The following KRT39 variants were observed in gnomAD, a reference collection of about 807,000 sequenced individuals.
KRT39 encodes keratin 39, also known as keratin, type I cytoskeletal 39.
In KRT39, 47 loss-of-function variants were observed where a neutral mutation model predicts 54.8. The ratio of observed to expected loss-of-function variants is 0.86; its 90% CI spans 0.68 to 1.09. KRT39 has a LOEUF of 1.09. Among genes scored for constraint, KRT39 ranks in the 50% least tolerant of loss-of-function variants. The pLI, the probability that KRT39 is intolerant of heterozygous loss-of-function variation, is 0.00. For synonymous variants in KRT39, 207 were observed against 227.9 expected, an observed-to-expected ratio of 0.91 and a Z score of 0.83; for missense variants, 580 against 598.5, an observed-to-expected ratio of 0.97 and a Z score of 0.32.
rs138861067 is a variant in KRT39 at position 40,960,321 on chromosome 17, T to C, written c.1177A>G (p.Ile393Val). ...LDVKSRLECE[I>V]TTYRSLLESS... ...TCCAGAAGGCTGCGGTATGTGGTAA[T>C]CTCACATTCCAGCCGGGACTTGACG... The change falls in exon 6 of 7, where the codon ATT (isoleucine) becomes GTT (valine). Residue 393 changes from isoleucine (I) to valine (V), a missense_variant. Transcript: ENST00000355612. 16 of 1,613,886 alleles carry C rather than the reference T, an allele frequency of 9.9e-6. No individual in the cohort carries two copies. The highest frequency in any genetic ancestry group is 1.4e-5 in the Non-Finnish European group (16 of 1,180,030).
chr17:40,961,175 G>C (rs962379647), intron 5 of KRT39, among the ~76,000 whole-genome samples: 4 of 151,200 alleles, frequency 2.6e-5, no homozygotes, highest in African/African-American at 9.7e-5. Context: ...TTCATTCAGT[G>C]AGTGTTCGTG....
rs530117418 is a variant in KRT39 at position 40,965,970 on chromosome 17, C to A, written c.468+419G>T. Among the ~76,000 whole-genome samples the A allele has an allele frequency of 2.0e-5, 3 of 152,242 alleles. No homozygotes were observed. The South Asian group carries it at 6.2e-4, about 32-fold the overall frequency. ...GGATCTTGGCTCATGGCAGCCTCAACCTCTTGGGCTCAAGTGATCCTCCCA... is the reference window on the plus strand; with the variant it reads ...GGATCTTGGCTCATGGCAGCCTCAAACTCTTGGGCTCAAGTGATCCTCCCA... On this transcript the variant is annotated intron_variant, in intron 1 of 6. Transcript: ENST00000355612.
In KRT39 at chr17:40,963,672, C is replaced by G. The variant is rs1355480807; in HGVS notation, c.663G>C (p.Gln221His). Residue 221 changes from glutamine to histidine, a missense_variant, in exon 3 of 7, where the codon CAG becomes CAC. Physicochemically the swap from Gln to His is conservative, Grantham distance 24. Transcript: ENST00000355612. ...GGCAAAGGAGCTCCTCTTTCAGAGA[C>G]TGGACTTGTGCCTCTAGGTCGGCCT... is the stretch of plus-strand genomic sequence containing the variant. ...LGKADLEAQV[Q>H]SLKEELLCLK... The G allele has an allele frequency of 3.1e-6, 5 of 1,611,306 alleles. No homozygotes were observed. In the African/African-American group the frequency reaches 5.3e-5, roughly 17 times the overall value.
chr17:40,966,435 G>A lies in KRT39; in HGVS notation c.422C>T (p.Pro141Leu). The A allele has an allele frequency of 6.2e-7, 1 of 1,614,138 alleles. No individual in the cohort carries two copies. The highest frequency in any genetic ancestry group is 8.5e-7 in the Non-Finnish European group (1 of 1,179,972). The change falls in exon 1 of 7, where the codon CCT becomes CTT. Residue 141 changes from proline (P) to leucine (L), a missense_variant. By Grantham distance (98) the Pro-to-Leu change is moderately conservative. Coordinates refer to ENST00000355612, the MANE Select transcript of KRT39 (RefSeq NM_213656.4). The stretch of plus-strand genomic sequence containing the variant: ...GGTAGTGTAGTAAGACAGGTAATCA[G>A]GACATAGAACAGGGAGCTCTTTGTT... ...ESNKELPVLC[P>L]DYLSYYTTIE...
chr17:40,964,366 A>G (rs1318430323), intron 2 of KRT39, 80 bp downstream of exon 2: 4 of 1,162,712 alleles, frequency 3.4e-6, no homozygotes, highest in Non-Finnish European at 5.2e-6. Context: ...GTTAGTAGAC[A>G]TGGGGACAAT....
rs780326892 is a variant in KRT39, at chr17:40,962,277, A to C, written c.881T>G (p.Leu294Arg). The C allele has an allele frequency of 6.2e-7, 1 of 1,614,170 alleles. No individual in the cohort carries two copies. The highest frequency in any genetic ancestry group is 1.1e-5 in the South Asian group (1 of 91,068). The change falls in exon 5 of 7, where the codon CTG becomes CGG. Residue 294 changes from leucine to arginine, a missense_variant. Transcript: ENST00000355612. The stretch of plus-strand genomic sequence containing the variant: ...AGAGCTGGTCACCACTTGTTGATTC[A>C]GCTCCTCTATCTGAAACACACAGCC... ...EQWFNTQIEE[L>R]NQQVVTSSQQ...
Position 40,960,521 on chromosome 17 carries a change from T to C in KRT39, c.997-20A>G. On this transcript the variant is annotated intron_variant, in intron 5 of 6. Coordinates refer to ENST00000355612, the MANE Select transcript of KRT39 (RefSeq NM_213656.4). Reference sequence around the variant, plus strand: ...ATCTCTCTACCATGGAGAAGGATAGTAGGATTTATAATGACTCCTTTAAGC... The same window carrying C: ...ATCTCTCTACCATGGAGAAGGATAGCAGGATTTATAATGACTCCTTTAAGC... The C allele has an allele frequency of 6.3e-7, 1 of 1,589,016 alleles. No homozygotes were observed. The highest frequency in any genetic ancestry group is 1.1e-5 in the South Asian group (1 of 90,608).
chr17:40,963,499 T>A, intron 3 of KRT39, 128 bp downstream of exon 3: 1 of 794,862 alleles, frequency 1.3e-6, no homozygotes, highest in Non-Finnish European at 1.9e-6. Context: ...TACTCTCAGT[T>A]ATTTCTTTAT....
At chr17:40,962,368 A>G in intron 4 of KRT39, 34 bp downstream of exon 4, 1 of 1,612,398 alleles carries the variant, frequency 6.2e-7, no homozygotes, top group Non-Finnish European at 8.5e-7. Context: ...ATGCAGCATC[A>G]GCTTATTGTT....
chr17:40,963,902 G>T, intron 2 of KRT39, 119 bp from the exon 3 acceptor site: 2 of 683,032 alleles, frequency 2.9e-6, no homozygotes, highest in Non-Finnish European at 4.8e-6. Flanking sequence ...TCTATTAGAA[G>T]TTTTATTCTC....
chr17:40,962,466 C>T lies in KRT39; in HGVS notation c.806G>A (p.Arg269Lys). 6.2e-7 allele frequency: 1 copy of T among 1,614,200 alleles called. No homozygotes were observed. Among genetic ancestry groups the T allele is most frequent in the Non-Finnish European group, 8.5e-7 (1 of 1,180,024 alleles). The change falls in exon 4 of 7, where the codon AGA becomes AAA. Residue 269 changes from arginine to lysine, a missense_variant. Transcript: ENST00000355612. Reference sequence around the variant, plus strand: ...CTCCATGATGGGCTCATATTGACATCTCATTTCTTGTAGAACCTGGTTTAG... The same window carrying T: ...CTCCATGATGGGCTCATATTGACATTTCATTTCTTGTAGAACCTGGTTTAG... Reference protein sequence around the residue: ...ADLNQVLQEMRCQYEPIMETN... With the variant: ...ADLNQVLQEMKCQYEPIMETN...
At chr17:40,964,267 G>A (rs1911270164) in intron 2 of KRT39, 179 bp downstream of exon 2, 2 of 634,476 alleles carry the variant, frequency 3.2e-6, no homozygotes, top group Admixed American at 2.7e-5. Context: ...TATAGGTACT[G>A]TATACATGTG....
chr17:40,964,102 G>A (rs1178810556), intron 2 of KRT39: 4 of 418,654 alleles, frequency 9.6e-6, no homozygotes, highest in African/African-American at 8.0e-5. Context: ...CCAAGTTTCG[G>A]TTTTGACTTG....
Position 40,964,536 on chromosome 17 carries a change from T to A in KRT39, c.469-8A>T, listed in dbSNP as rs1911285663. On this transcript the variant is annotated splice_polypyrimidine_tract_variant and splice_region_variant and intron_variant, in intron 1 of 6. Coordinates refer to ENST00000355612, the MANE Select transcript of KRT39 (RefSeq NM_213656.4). ...GGCCTTGGTACACAAGATCTAGAAT[T>A]AAGAGATTGTACACACAAATGAAGC... The A allele has an allele frequency of 6.3e-7, 1 of 1,581,200 alleles. No homozygotes were observed. Among genetic ancestry groups the A allele is most frequent in the African/African-American group, 1.3e-5 (1 of 74,404 alleles).
In KRT39 at chr17:40,962,393, A is replaced by AT. The variant is rs766908475; in HGVS notation, c.870+8dup. The AT allele has an allele frequency of 1.9e-6, 3 of 1,613,530 alleles. No individual in the cohort carries two copies. In the African/African-American group the frequency reaches 4.0e-5, roughly 22 times the overall value. Reference sequence around the variant, plus strand: ...AGCTTATTGTTTTTGACTTTTCTATATCCCCCACCTGCGTGTTGAACCACT... The same window carrying AT: ...AGCTTATTGTTTTTGACTTTTCTATATTCCCCCACCTGCGTGTTGAACCACT... On this transcript the variant is annotated intron_variant, in intron 4 of 6. Coordinates refer to ENST00000355612, the MANE Select transcript of KRT39 (RefSeq NM_213656.4).
chr17:40,966,202 G>A lies in KRT39; in HGVS notation c.468+187C>T, dbSNP rs112683306. On this transcript the variant is annotated intron_variant, in intron 1 of 6. Coordinates refer to ENST00000355612, the MANE Select transcript of KRT39 (RefSeq NM_213656.4). ...TAGGATTACAGGTGTGCATCACTGCGCCTGACCAGAAATACTATCAGACTC... is the reference window on the plus strand; with the variant it reads ...TAGGATTACAGGTGTGCATCACTGCACCTGACCAGAAATACTATCAGACTC... Among the ~76,000 whole-genome samples, 26,601 of 152,002 alleles carry A rather than the reference G, an allele frequency of 0.18. 2,487 individuals carry two copies. Among genetic ancestry groups the A allele is most frequent in the Middle Eastern group, 0.27 (80 of 294 alleles).
Position 40,958,560 on chromosome 17 carries a change from T to C in KRT39, c.*41A>G, listed in dbSNP as rs375589110. On this transcript the variant is annotated 3_prime_UTR_variant, in exon 7 of 7. Transcript: ENST00000355612. ...TCTCTGGCAGGAGCATGTATTGGCCTCTGTTTCATAAATGTGGGTCATTTT... is the reference window on the plus strand; with the variant it reads ...TCTCTGGCAGGAGCATGTATTGGCCCCTGTTTCATAAATGTGGGTCATTTT... 4 of 1,562,530 alleles carry C rather than the reference T, an allele frequency of 2.6e-6. No homozygotes were observed. Among genetic ancestry groups the C allele is most frequent in the Non-Finnish European group, 3.5e-6 (4 of 1,154,430 alleles).
chr17:40,960,242 A>G (rs771585654), intron 6 of KRT39, 39 bp downstream of exon 6: 2 of 1,568,414 alleles, frequency 1.3e-6, no homozygotes, highest in East Asian at 4.5e-5. Flanking sequence ...GCGTTCATTT[A>G]CACTTTTTTG....
Position 40,963,802 on chromosome 17 carries a change from A to G in KRT39, c.552-19T>C. ...TTCGTATCTTTAAAAACCAGATGGGAAAAGAGAGACATCTGAAAGGAGATG... is the reference window on the plus strand; with the variant it reads ...TTCGTATCTTTAAAAACCAGATGGGGAAAGAGAGACATCTGAAAGGAGATG... On this transcript the variant is annotated intron_variant, in intron 2 of 6. Transcript: ENST00000355612. 6.4e-7 allele frequency: 1 copy of G among 1,561,686 alleles called. No individual in the cohort carries two copies. The highest frequency in any genetic ancestry group is 1.2e-5 in the South Asian group (1 of 86,540).
Sources: allele counts gnomAD v4.1 joint callset (sites outside exome capture counted in the v4.1 genomes callset), GRCh38; gene constraint gnomAD v4.1.1; transcripts MANE v1.5; gene names NCBI Gene and HGNC (gene_info 2026-07-23, HGNC 2026-07-21).